The following RMND1 variants were observed in gnomAD, a reference collection of about 807,000 sequenced individuals.
The protein encoded by RMND1 is required for meiotic nuclear division 1 homolog.
Under a neutral mutation model 54.0 loss-of-function variants are expected in RMND1, and 41 were observed. The ratio of observed to expected loss-of-function variants is 0.76; its 90% CI spans 0.59 to 0.98. RMND1 has a LOEUF of 0.98. Ranked by LOEUF, RMND1 falls within the 50% of genes least tolerant of loss-of-function variation. The pLI is 0.00. For synonymous variants in RMND1, 183 were observed against 181.7 expected (o/e 1.01, Z -0.06); for missense variants, 457 against 532.0 (o/e 0.86, Z 1.39).
chr6:151,440,642 T>C lies in RMND1; in HGVS notation c.505-4088A>G, dbSNP rs377317113. On this transcript the variant is annotated intron_variant, in intron 2 of 11. Coordinates refer to ENST00000444024, the MANE Select transcript of RMND1 (RefSeq NM_017909.4). ...TCTATCCAATGTCACTCAGCTTATA[T>C]GGTTTGCTACACTACTTTCTGTATT... Among the ~76,000 whole-genome samples the C allele has an allele frequency of 9.8e-5, 15 of 152,358 alleles. 1 individual carries two copies. In the South Asian group the frequency reaches 2.7e-3, roughly 27 times the overall value.
chr6:151,434,057 C>T (rs1426091148), intron 3 of RMND1, among the ~76,000 whole-genome samples: 1 of 151,786 alleles, frequency 6.6e-6, no homozygotes, highest in Non-Finnish European at 1.5e-5. Context: ...CTATGTTGCC[C>T]AGGCTGGTCG....
intron 1 of RMND1, among the ~76,000 whole-genome samples, chr6:151,448,917 A>G (rs1455871322): frequency 6.6e-6 from 1 of 151,996 alleles, no homozygotes; most frequent in Non-Finnish European, 1.5e-5. Context: ...TGTCTACTAA[A>G]AATACAAAAA....
rs201840505 is a variant in RMND1 at position 151,405,246 on chromosome 6, C to G, written c.1339G>C (p.Val447Leu). 6.2e-7 allele frequency: 1 copy of G among 1,612,886 alleles called. No individual in the cohort carries two copies. Among genetic ancestry groups the G allele is most frequent in the Non-Finnish European group, 8.5e-7 (1 of 1,178,998 alleles). The change falls in exon 12 of 12, where the codon GTA becomes CTA. Residue 447 changes from valine (V) to leucine (L), a missense_variant. Transcript: ENST00000444024. ...TIEVMFELGR[V>L]FF Reference sequence around the variant, plus strand: ...TGGTTATCACTTGATCAGAAAAATACTCGTCCCAGCTCAAACATTACCTTA... The same window carrying G: ...TGGTTATCACTTGATCAGAAAAATAGTCGTCCCAGCTCAAACATTACCTTA...
At chr6:151,429,765 A>C (rs1187770481) in intron 5 of RMND1, among the ~76,000 whole-genome samples, 1 of 152,212 alleles carries the variant, frequency 6.6e-6, no homozygotes, top group Non-Finnish European at 1.5e-5. Context: ...TCTTGAAAAA[A>C]TTATTTCCCA....
chr6:151,416,126 G>A (rs974214210), intron 10 of RMND1, among the ~76,000 whole-genome samples: 5 of 150,492 alleles, frequency 3.3e-5, no homozygotes, highest in African/African-American at 4.9e-5. Flanking sequence ...CTACAGGCAC[G>A]CGCCACCACA....
At chr6:151,410,012 T>C (rs1779759151) in intron 10 of RMND1, among the ~76,000 whole-genome samples, 1 of 151,944 alleles carries the variant, frequency 6.6e-6, no homozygotes, top group African/African-American at 2.4e-5. Flanking sequence ...GACCCTTTCT[T>C]CTACTTTTTG....
At chr6:151,436,112 C>CAAAA in intron 3 of RMND1, 5 of 173,070 alleles carry the variant, frequency 2.9e-5, no homozygotes, top group South Asian at 9.8e-5. Context: ...TCCCAAAAAA[C>CAAAA]AAAAAAAAAA....
chr6:151,405,647 T>C, intron 11 of RMND1, 73 bp downstream of exon 11: 1 of 746,896 alleles, frequency 1.3e-6, no homozygotes, highest in Middle Eastern at 2.6e-4. Context: ...TATCTCAAAC[T>C]ATCTTATTAG....
In RMND1 at chr6:151,433,448, T is replaced by G. The variant is rs150343262; in HGVS notation, c.614-218A>C. Among the ~76,000 whole-genome samples the G allele has an allele frequency of 9.6e-4, 146 of 152,308 alleles. 1 individual carries two copies. The highest frequency in any genetic ancestry group is 2.9e-3 in the African/African-American group (122 of 41,580). ...AAAAAAAGATCAGCAATTACTTTTA[T>G]AAAACATTCAACAACCTGTGATATT... is the stretch of plus-strand genomic sequence containing the variant. On this transcript the variant is annotated intron_variant, in intron 3 of 11. Coordinates refer to ENST00000444024, the MANE Select transcript of RMND1 (RefSeq NM_017909.4).
In RMND1 at chr6:151,437,662, C is replaced by G. The variant is rs533045179; in HGVS notation, c.505-1108G>C. ...ATTTATTCTTAGGATTTACTCCTCT[C>G]AGCTCCCCAATTCTTTCCCATTCTG... On this transcript the variant is annotated intron_variant, in intron 2 of 11. Transcript: ENST00000444024. Among the ~76,000 whole-genome samples the G allele has an allele frequency of 3.3e-5, 5 of 152,314 alleles. No individual in the cohort carries two copies. In the South Asian group the frequency reaches 1.0e-3, roughly 32 times the overall value.
chr6:151,439,117 A>C (rs80298899), intron 2 of RMND1, among the ~76,000 whole-genome samples: 7 of 152,138 alleles, frequency 4.6e-5, no homozygotes, highest in African/African-American at 1.4e-4. Context: ...TCAAACAAAA[A>C]CAAAACCAAA....
intron 10 of RMND1, among the ~76,000 whole-genome samples, chr6:151,406,850 T>C (rs1779642894): frequency 1.3e-5 from 2 of 152,080 alleles, no homozygotes; most frequent in Admixed American, 6.6e-5. Flanking sequence ...GTTACGATTT[T>C]TGCACATAGC....
chr6:151,434,694 A>C (rs1780549074), intron 3 of RMND1, among the ~76,000 whole-genome samples: 1 of 152,208 alleles, frequency 6.6e-6, no homozygotes, highest in Non-Finnish European at 1.5e-5. Flanking sequence ...TATCACAATG[A>C]TATTTCAACT....
rs970975223 is a variant in RMND1 at position 151,421,891 on chromosome 6, G to T, written c.1003-570C>A. Among the ~76,000 whole-genome samples the T allele has an allele frequency of 5.9e-5, 9 of 151,972 alleles. No individual in the cohort carries two copies. The East Asian group carries it at 9.6e-4, about 16-fold the overall frequency. ...GAACTTTGGGAGGCCGAGGCAGGAG[G>T]ATCGCTTGAGCCCAGGAGTTCAAGA... On this transcript the variant is annotated intron_variant, in intron 8 of 11. Transcript: ENST00000444024.
intron 10 of RMND1, 124 bp downstream of exon 10, chr6:151,417,154 GA>G: frequency 9.2e-7 from 1 of 1,084,210 alleles, no homozygotes; most frequent in Non-Finnish European, 1.3e-6. Context: ...CAGAGGACAA[GA>G]AGGGGAAATA....
At chr6:151,437,309 A>C (rs1421056543) in intron 2 of RMND1, among the ~76,000 whole-genome samples, 1 of 152,236 alleles carries the variant, frequency 6.6e-6, no homozygotes, top group South Asian at 2.1e-4. Flanking sequence ...TTCACAGGAA[A>C]TGCTATTTTA....
intron 9 of RMND1, among the ~76,000 whole-genome samples, chr6:151,419,671 TA>T (rs11295311): frequency 0.38 from 43,896 of 117,004 alleles, 7,434 homozygotes; most frequent in East Asian, 0.41. Flanking sequence ...AGACCCTGTT[TA>T]AAAAAAAAAA....
intron 11 of RMND1, among the ~76,000 whole-genome samples, 192 bp downstream of exon 11, chr6:151,405,528 G>A (rs745371193): frequency 3.3e-4 from 50 of 152,156 alleles, no homozygotes; most frequent in Admixed American, 1.4e-3. Context: ...TTTAAAAAGT[G>A]GAACCTTTTC....
rs772567673 is a variant in RMND1, at chr6:151,417,306, T to C, written c.1173A>G (p.Gln391=). 4.3e-6 allele frequency: 7 copies of C among 1,612,962 alleles called. No homozygotes were observed. Among genetic ancestry groups the C allele is most frequent in the Admixed American group, 1.7e-5 (1 of 59,772 alleles). Residue 391 remains glutamine (Q), a synonymous_variant, in exon 10 of 12, where the codon CAA becomes CAG. Coordinates refer to ENST00000444024, the MANE Select transcript of RMND1 (RefSeq NM_017909.4). The stretch of plus-strand genomic sequence containing the variant: ...TAACTCTTCGGCCAATGCTAAGGAA[T>C]TGACACGTTTTATCGTAAAGTCCTT... ...NLEGLYDKTC[Q]FLSIGRRVKV...
Sources: allele counts gnomAD v4.1 joint callset (sites outside exome capture counted in the v4.1 genomes callset), GRCh38; gene constraint gnomAD v4.1.1; transcripts MANE v1.5; gene names NCBI Gene and HGNC (gene_info 2026-07-23, HGNC 2026-07-21).